VPS13B: variants seen among roughly 807,000 people sequenced by gnomAD.
The protein encoded by VPS13B is vacuolar protein sorting 13 homolog B.
In VPS13B, 285 loss-of-function variants were observed where a neutral mutation model predicts 426.4. The observed-to-expected ratio is 0.67, with a 90% CI of 0.61 to 0.74. The LOEUF is 0.74. Ranked by LOEUF, VPS13B falls within the 30% of genes least tolerant of loss-of-function variation. The probability of loss-of-function intolerance (pLI) is 0.00; values close to 1 mark genes in which losing one functional copy is unlikely to be tolerated. For synonymous variants in VPS13B, 1,676 were observed against 1,676.4 expected, an observed-to-expected ratio of 1.00 and a Z score of 0.01; for missense variants, 4,537 against 4,782.6, an observed-to-expected ratio of 0.95 and a Z score of 1.51.
At chr8:99,524,079 G>A (rs771341786) in intron 30 of VPS13B, among the ~76,000 whole-genome samples, 1 of 152,086 alleles carries the variant, frequency 6.6e-6, no homozygotes, top group Non-Finnish European at 1.5e-5. Context: ...AAATTCAGGA[G>A]CTGAAAAATA....
At chr8:99,071,985 G>A (rs761503373) in intron 3 of VPS13B, among the ~76,000 whole-genome samples, 12 of 152,114 alleles carry the variant, frequency 7.9e-5, no homozygotes, top group Non-Finnish European at 1.5e-4. Context: ...GCTCCCCTCT[G>A]GCCCAGGACA....
intron 14 of VPS13B, among the ~76,000 whole-genome samples, chr8:99,156,189 A>G (rs188367894): frequency 2.0e-5 from 3 of 152,314 alleles, no homozygotes; most frequent in Non-Finnish European, 2.9e-5. Context: ...AAAATAAAAG[A>G]TGCTGACTCT....
chr8:99,053,184 C>T (rs954968199), intron 3 of VPS13B, among the ~76,000 whole-genome samples: 4 of 151,704 alleles, frequency 2.6e-5, no homozygotes, highest in African/African-American at 9.7e-5. Flanking sequence ...TACATGTGCA[C>T]AACATGCAGG....
rs1235961304 is a variant in VPS13B at position 99,788,353 on chromosome 8, C to G, written c.7941+3877C>G. ...TTACTTGAGCCCAGGAGTTCAAGAC[C>G]AGCCTGGGCAATATAATGAGACCCC... is the stretch of plus-strand genomic sequence containing the variant. On this transcript the variant is annotated intron_variant, in intron 43 of 61. Transcript: ENST00000357162. Among the ~76,000 whole-genome samples, 4 of 143,324 alleles carry G rather than the reference C, an allele frequency of 2.8e-5. No homozygotes were observed. In the East Asian group the frequency reaches 8.3e-4, roughly 30 times the overall value. The allele number at this position is 143,324 out of a possible 152,430, so 94.0% of individuals were successfully genotyped here.
intron 19 of VPS13B, among the ~76,000 whole-genome samples, chr8:99,287,853 T>C (rs914709263): frequency 2.6e-5 from 4 of 152,024 alleles, no homozygotes; most frequent in African/African-American, 9.7e-5. Flanking sequence ...AGTATGTCCA[T>C]AAAAGTCTGG....
At chr8:99,271,241 A>ACTC (rs1818588176) in intron 17 of VPS13B, among the ~76,000 whole-genome samples, 1 of 149,608 alleles carries the variant, frequency 6.7e-6, no homozygotes, top group Non-Finnish European at 1.5e-5. Flanking sequence ...TACTACTACT[A>ACTC]CTACTACGAT....
chr8:99,417,658 T>C (rs1816101670), intron 21 of VPS13B, among the ~76,000 whole-genome samples: 2 of 152,216 alleles, frequency 1.3e-5, no homozygotes, highest in African/African-American at 2.4e-5. Context: ...CATTGAATTC[T>C]AGAGACATTC....
intron 8 of VPS13B, among the ~76,000 whole-genome samples, chr8:99,123,277 G>C (rs1848040302): frequency 6.6e-6 from 1 of 152,154 alleles, no homozygotes; most frequent in Non-Finnish European, 1.5e-5. Flanking sequence ...ACCTGTGAAA[G>C]AGGAAGCCTT....
intron 36 of VPS13B, among the ~76,000 whole-genome samples, chr8:99,705,322 A>G (rs1832457416): frequency 1.3e-5 from 2 of 152,250 alleles, no homozygotes; most frequent in South Asian, 2.1e-4. Context: ...AAAATGTCCC[A>G]TATTATGTTT....
At chr8:99,324,345 C>G (rs1308152710) in intron 19 of VPS13B, among the ~76,000 whole-genome samples, 2 of 152,198 alleles carry the variant, frequency 1.3e-5, no homozygotes, top group East Asian at 3.8e-4. Context: ...CATTCCACTT[C>G]TATATTTTGA....
In VPS13B at chr8:99,409,636, A is replaced by G. The variant is rs1353948068; in HGVS notation, c.3082+17932A>G. Among the ~76,000 whole-genome samples the G allele has an allele frequency of 9.9e-5, 15 of 152,276 alleles. 1 individual carries two copies. In the South Asian group the frequency reaches 2.9e-3, roughly 29 times the overall value. ...CTTTGGATTGCAAAGACCCCCACAAAATAACCAAGGATCATAACTTTCTTT... is the reference window on the plus strand; with the variant it reads ...CTTTGGATTGCAAAGACCCCCACAAGATAACCAAGGATCATAACTTTCTTT... On this transcript the variant is annotated intron_variant, in intron 21 of 61. Transcript: ENST00000357162.
intron 17 of VPS13B, among the ~76,000 whole-genome samples, chr8:99,208,891 TGTTG>T (rs1382003032): frequency 6.6e-6 from 1 of 152,204 alleles, no homozygotes; most frequent in Non-Finnish European, 1.5e-5. Flanking sequence ...GTTTAAAAGC[TGTTG>T]AAGATATTTT....
At chr8:99,322,589 A>C (rs1252653201) in intron 19 of VPS13B, among the ~76,000 whole-genome samples, 4 of 152,232 alleles carry the variant, frequency 2.6e-5, no homozygotes, top group Non-Finnish European at 5.9e-5. Flanking sequence ...ACTGCTCTTT[A>C]AATGTTGAAT....
At chr8:99,689,310 T>C (rs569375981) in intron 35 of VPS13B, among the ~76,000 whole-genome samples, 2 of 150,786 alleles carry the variant, frequency 1.3e-5, no homozygotes. Flanking sequence ...AGTTTAGGTA[T>C]TTAGAATATT....
intron 25 of VPS13B, among the ~76,000 whole-genome samples, chr8:99,493,813 GA>G (rs1820749900): frequency 7.2e-6 from 1 of 138,998 alleles, no homozygotes; most frequent in Admixed American, 7.2e-5. Flanking sequence ...AAAAGAAAAA[GA>G]AAAAGAAAGA....
intron 19 of VPS13B, among the ~76,000 whole-genome samples, chr8:99,338,248 G>T (rs1459625735): frequency 6.6e-6 from 1 of 151,980 alleles, no homozygotes; most frequent in Non-Finnish European, 1.5e-5. Context: ...TTAGAATTTT[G>T]ATTGGGATTT....
chr8:99,668,203 T>C (rs1270240614), intron 35 of VPS13B, among the ~76,000 whole-genome samples: 2 of 151,904 alleles, frequency 1.3e-5, no homozygotes, highest in Non-Finnish European at 2.9e-5. Flanking sequence ...GTTATGACCC[T>C]GAATTAACCA....
chr8:99,293,647 ACG>A, intron 19 of VPS13B, among the ~76,000 whole-genome samples: 1 of 148,978 alleles, frequency 6.7e-6, no homozygotes, highest in South Asian at 2.2e-4. Flanking sequence ...TACTCATCTG[ACG>A]AAGGGCTAAT....
intron 31 of VPS13B, among the ~76,000 whole-genome samples, chr8:99,571,431 C>A (rs557355719): frequency 1.3e-5 from 2 of 151,968 alleles, no homozygotes; most frequent in African/African-American, 4.8e-5. Flanking sequence ...AAACTTAATA[C>A]TATATACCAG....
Sources: gnomAD v4.1 joint callset for allele counts (sites outside exome capture counted in the v4.1 genomes callset) on GRCh38, gnomAD v4.1.1 for gene constraint, MANE v1.5 for transcripts, NCBI Gene and HGNC (gene_info 2026-07-23, HGNC 2026-07-21) for gene names.